The following TBL1X variants were observed in gnomAD, a reference collection of about 807,000 sequenced individuals.
TBL1X encodes F-box-like/WD repeat-containing protein TBL1X.
TBL1X carries 10 observed loss-of-function variants against 50.7 expected under a neutral mutation model. That is an observed-to-expected ratio of 0.20 (90% CI 0.12 to 0.33). TBL1X has a LOEUF of 0.33. TBL1X is among the 10% of genes least tolerant of loss of function. TBL1X has a pLI of 1.00. For missense variants in TBL1X, 340 were observed against 504.4 expected, an observed-to-expected ratio of 0.67 and a Z score of 3.12; for synonymous variants, 190 against 214.7, an observed-to-expected ratio of 0.88 and a Z score of 1.01.
chrX:9,646,952 T>A (rs894120722), intron 3 of TBL1X, among the ~76,000 whole-genome samples: 22 of 111,942 alleles, frequency 2.0e-4, no homozygotes, highest in South Asian at 7.5e-4. Flanking sequence ...GCCCTTTCTG[T>A]CCTTAACTAC....
chrX:9,490,773 TATTA>T (rs1364038415), intron 1 of TBL1X, among the ~76,000 whole-genome samples: 1 of 112,142 alleles, frequency 8.9e-6, no homozygotes, highest in African/African-American at 3.2e-5. Flanking sequence ...GCTCATATTG[TATTA>T]ATTCTTTGTT....
At chrX:9,700,857 G>A (rs746532812) in intron 12 of TBL1X, among the ~76,000 whole-genome samples, 1 of 111,988 alleles carries the variant, frequency 8.9e-6, no homozygotes, top group South Asian at 3.7e-4. Flanking sequence ...CGACAGCCAG[G>A]AGAGATCTCA....
At chrX:9,710,580 A>C (rs756651854) in intron 15 of TBL1X, among the ~76,000 whole-genome samples, 65 of 112,179 alleles carry the variant, frequency 5.8e-4, no homozygotes, top group African/African-American at 1.9e-3. Flanking sequence ...AGCAAGTATA[A>C]AAGGGGCATC....
At chrX:9,480,741 A>G (rs1212416072) in intron 1 of TBL1X, among the ~76,000 whole-genome samples, 1 of 102,913 alleles carries the variant, frequency 9.7e-6, no homozygotes, top group Non-Finnish European at 2.0e-5. Flanking sequence ...TCCAAAGTCA[A>G]AATCTAAATT....
At chrX:9,630,182 G>A (rs962101483) in intron 2 of TBL1X, among the ~76,000 whole-genome samples, 6 of 111,914 alleles carry the variant, frequency 5.4e-5, no homozygotes, top group East Asian at 2.8e-4. Context: ...CGGCATCATC[G>A]TGTCGTGTTA....
At chrX:9,706,143 A>T (rs1470271191) in intron 13 of TBL1X, among the ~76,000 whole-genome samples, 2 of 112,163 alleles carry the variant, frequency 1.8e-5, no homozygotes, top group Admixed American at 1.9e-4. Context: ...CAGGGATGAC[A>T]GTTCCACCTG....
rs998585579 is a variant in TBL1X, at chrX:9,465,128, T to TGCC, written c.-502_-500dup. 4.9e-4 allele frequency: 55 copies of TGCC among 111,990 alleles called. No individual in the cohort carries two copies. Among genetic ancestry groups the TGCC allele is most frequent in the Middle Eastern group, 4.5e-3 (1 of 221 alleles). The allele number at this position is 111,990 out of a possible 1,213,427, so 9.2% of individuals were successfully genotyped here. A position where few individuals can be genotyped will look rare whatever the true frequency, so the allele number is the denominator to read the frequency against. ...CTCCCGCTGTCCCGCCCTCTCCCGC[T>TGCC]GCCGCCGCCGCCGCCGCCGCGCCCG... On this transcript the variant is annotated 5_prime_UTR_variant, in exon 1 of 18. Coordinates refer to ENST00000645353, the MANE Select transcript of TBL1X (RefSeq NM_005647.4).
At chrX:9,703,900 CAG>C (rs767142840) in intron 12 of TBL1X, among the ~76,000 whole-genome samples, 16 of 112,607 alleles carry the variant, frequency 1.4e-4, no homozygotes, top group Non-Finnish European at 2.3e-4. Flanking sequence ...CAGTGCCTCT[CAG>C]GGCATGGTCC....
intron 5 of TBL1X, among the ~76,000 whole-genome samples, chrX:9,683,484 A>G (rs1351904740): frequency 4.5e-5 from 5 of 111,929 alleles, no homozygotes; most frequent in Admixed American, 1.9e-4. Context: ...TCAGTGCCAC[A>G]CCAGTCAGTC....
rs1429583713 is a variant in TBL1X, at chrX:9,716,521, G to A, written c.*275G>A. Reference sequence around the variant, plus strand: ...CTGGGAAGGAGGAAGTCACCAGCTCGAGGCGTGTGGATTGGTTTCCACCCG... The same window carrying A: ...CTGGGAAGGAGGAAGTCACCAGCTCAAGGCGTGTGGATTGGTTTCCACCCG... On this transcript the variant is annotated 3_prime_UTR_variant, in exon 18 of 18. Coordinates refer to ENST00000645353, the MANE Select transcript of TBL1X (RefSeq NM_005647.4). 2.0e-5 allele frequency: 5 copies of A among 252,709 alleles called. No homozygotes were observed. Among genetic ancestry groups the A allele is most frequent in the East Asian group, 7.2e-5 (1 of 13,974 alleles). 20.8% of individuals were successfully genotyped at this position (252,709 alleles called of 1,213,427 possible).
intron 5 of TBL1X, among the ~76,000 whole-genome samples, chrX:9,673,008 C>A (rs2082969450): frequency 8.9e-6 from 1 of 111,805 alleles, no homozygotes; most frequent in Non-Finnish European, 1.9e-5. Flanking sequence ...CTCCCTGTGT[C>A]CTCACGTGGT....
chrX:9,705,131 G>A lies in TBL1X; in HGVS notation c.1236+17G>A. ...GGACACACAGTAAGTGAGAGCTCTT[G>A]TCACTGGTCTCGAGTTTGTGAGAAT... On this transcript the variant is annotated intron_variant, in intron 13 of 17. Transcript: ENST00000645353. 2 of 1,211,947 alleles carry A rather than the reference G, an allele frequency of 1.7e-6. No homozygotes were observed. The highest frequency in any genetic ancestry group is 2.2e-6 in the Non-Finnish European group (2 of 895,485).
At chrX:9,628,092 C>T (rs2082701864) in intron 2 of TBL1X, among the ~76,000 whole-genome samples, 1 of 112,768 alleles carries the variant, frequency 8.9e-6, no homozygotes, top group Non-Finnish European at 1.9e-5. Context: ...GAATACATTT[C>T]TGCTGAACTT....
intron 2 of TBL1X, among the ~76,000 whole-genome samples, chrX:9,598,164 A>G (rs1201118771): frequency 3.6e-5 from 4 of 111,077 alleles, no homozygotes; most frequent in African/African-American, 1.3e-4. Flanking sequence ...GAAGAAACCA[A>G]CCCTACTGAC....
At chrX:9,476,690 C>T (rs190192136) in intron 1 of TBL1X, among the ~76,000 whole-genome samples, 2 of 111,956 alleles carry the variant, frequency 1.8e-5, no homozygotes, top group East Asian at 2.8e-4. Context: ...TCTGTGAGTA[C>T]ACTAACCTTG....
chrX:9,565,188 C>T (rs971368597), intron 2 of TBL1X, among the ~76,000 whole-genome samples: 9 of 102,186 alleles, frequency 8.8e-5, no homozygotes, highest in Non-Finnish European at 1.4e-4. Context: ...AGGAGAATGG[C>T]GTGAACCCGG....
intron 2 of TBL1X, chrX:9,637,314 T>C (rs2082752590): frequency 8.9e-6 from 1 of 111,735 alleles, no homozygotes. Context: ...AATTCCAATA[T>C]CCATGTGAAA....
intron 2 of TBL1X, among the ~76,000 whole-genome samples, chrX:9,627,983 C>T (rs1213760212): frequency 1.8e-5 from 2 of 112,331 alleles, no homozygotes; most frequent in Non-Finnish European, 1.9e-5. Flanking sequence ...TTAGAAGATG[C>T]ATAACCAGCC....
intron 5 of TBL1X, among the ~76,000 whole-genome samples, chrX:9,679,011 A>C (rs1270254214): frequency 5.4e-5 from 6 of 110,337 alleles, no homozygotes; most frequent in Non-Finnish European, 1.1e-4. Flanking sequence ...TAAGCCTTTC[A>C]GTTTATCATG....
Sources: gnomAD v4.1 joint callset for allele counts (sites outside exome capture counted in the v4.1 genomes callset) on GRCh38, gnomAD v4.1.1 for gene constraint, MANE v1.5 for transcripts, NCBI Gene and HGNC (gene_info 2026-07-23, HGNC 2026-07-21) for gene names.